EP400: variants seen among roughly 807,000 people sequenced by gnomAD.
The protein encoded by EP400 is E1A-binding protein p400.
Under a neutral mutation model 354.1 loss-of-function variants are expected in EP400, and 105 were observed. That is an observed-to-expected ratio of 0.30 (90% CI 0.25 to 0.35). The LOEUF (loss-of-function observed/expected upper bound fraction) is 0.35, where lower values mean the gene tolerates loss of function less well. Among genes scored for constraint, EP400 ranks in the 10% least tolerant of loss-of-function variants. EP400 has a pLI of 1.00. For missense variants in EP400, 3,280 were observed against 4,121.0 expected (o/e 0.80, Z 5.59); for synonymous variants, 1,646 against 1,716.9 (o/e 0.96, Z 1.02).
In EP400 at chr12:132,058,608, C is replaced by T. The variant is rs563871810; in HGVS notation, c.7884+3400C>T. On this transcript the variant is annotated intron_variant, in intron 45 of 52. Transcript: ENST00000389561. ...CTCGTGATCCACCCACCTCAGCCTC[C>T]CAAAGTGCTGGGGTTACAGGCGTGA... Among the ~76,000 whole-genome samples the T allele has an allele frequency of 2.4e-3, 363 of 152,114 alleles. 2 individuals are homozygous for T. Among genetic ancestry groups the T allele is most frequent in the Non-Finnish European group, 4.0e-3 (272 of 67,980 alleles).
Position 131,958,604 on chromosome 12 carries a change from G to A in EP400, c.-35-1981G>A, listed in dbSNP as rs192975281. On this transcript the variant is annotated intron_variant, in intron 1 of 52. Transcript: ENST00000389561. ...GAATCTTGTTCTTCATTGCAGCATC[G>A]ATTTCCTGGGCTCAGGCGGTCTCCT... Among the ~76,000 whole-genome samples, 922 of 152,116 alleles carry A rather than the reference G, an allele frequency of 6.1e-3. 11 individuals carry two copies. The highest frequency in any genetic ancestry group is 0.021 in the African/African-American group (878 of 41,484).
chr12:132,014,397 C>T (rs1446070465), intron 19 of EP400, among the ~76,000 whole-genome samples: 1 of 152,130 alleles, frequency 6.6e-6, no homozygotes, highest in Non-Finnish European at 1.5e-5. Flanking sequence ...GATGGCCAGC[C>T]GCTGTGCCTC....
Position 131,960,946 on chromosome 12 carries a change from G to C in EP400, c.327G>C (p.Gln109His). 1 of 1,612,892 alleles carries C rather than the reference G, an allele frequency of 6.2e-7. No individual in the cohort carries two copies. Residue 109 changes from glutamine to histidine, a missense_variant, in exon 2 of 53, where the codon CAG becomes CAC. By Grantham distance (24) the Gln-to-His change is conservative. This residue lies in a region of EP400 where 172 missense variants were observed against 242.9 expected (regional missense o/e 0.71). Transcript: ENST00000389561. ...CTCCAGGCTTCCAGTTCAGCGCTCAGCCTCGGCGGTTTGAGCATGGGTCTC... is the reference window on the plus strand; with the variant it reads ...CTCCAGGCTTCCAGTTCAGCGCTCACCCTCGGCGGTTTGAGCATGGGTCTC... Reference protein sequence around the residue: ...PTSPGFQFSAQPRRFEHGSPS... With the variant: ...PTSPGFQFSAHPRRFEHGSPS...
rs142584993 is a variant in EP400 at position 132,039,858 on chromosome 12, G to A, written c.6207+1762G>A. 1.1e-3 allele frequency among the ~76,000 whole-genome samples: 164 copies of A among 152,348 alleles called. 1 individual carries two copies. The highest frequency in any genetic ancestry group is 0.01 in the Middle Eastern group (3 of 294). On this transcript the variant is annotated intron_variant, in intron 32 of 52. Transcript: ENST00000389561. ...GTTCAAGACTGGCATGGGCATCATA[G>A]TGGGACCCCATCTCTACAAGAAGAA...
At chr12:132,026,148 C>T (rs1224024445) in intron 25 of EP400, among the ~76,000 whole-genome samples, 1 of 152,194 alleles carries the variant, frequency 6.6e-6, no homozygotes, top group African/African-American at 2.4e-5. Context: ...TGGCCGCCCA[C>T]GCAGGGTCTG....
chr12:132,004,445 T>C (rs953713268), intron 12 of EP400, among the ~76,000 whole-genome samples: 1 of 152,230 alleles, frequency 6.6e-6, no homozygotes, highest in Non-Finnish European at 1.5e-5. Flanking sequence ...AAAAGCTTAA[T>C]TATGTTTTAT....
At chr12:132,005,261 T>C in intron 13 of EP400, 77 bp downstream of exon 13, 1 of 1,074,122 alleles carries the variant, frequency 9.3e-7, no homozygotes, top group Admixed American at 3.4e-5. Context: ...AAATAAGATT[T>C]AGAAAATTTC....
At chr12:132,015,402 T>A (rs1714766253) in intron 19 of EP400, among the ~76,000 whole-genome samples, 1 of 152,232 alleles carries the variant, frequency 6.6e-6, no homozygotes, top group Admixed American at 6.5e-5. Flanking sequence ...TCAGCTTTGG[T>A]AACATACTAG....
intron 32 of EP400, among the ~76,000 whole-genome samples, chr12:132,040,918 G>A (rs1894879792): frequency 6.6e-6 from 1 of 152,154 alleles, no homozygotes; most frequent in Admixed American, 6.6e-5. Flanking sequence ...CAAGGCAAGG[G>A]GGATCCTGGG....
At chr12:131,988,001 TTTTTTTTC>T in intron 7 of EP400, 111 bp downstream of exon 7, 1 of 974,688 alleles carries the variant, frequency 1.0e-6, no homozygotes, top group Non-Finnish European at 1.4e-6. Context: ...TTTTTTTTTT[TTTTTTTTC>T]CCCCAGACAG....
At chr12:131,973,245 G>A (rs1892358838) in intron 2 of EP400, among the ~76,000 whole-genome samples, 3 of 152,108 alleles carry the variant, frequency 2.0e-5, no homozygotes, top group Admixed American at 6.6e-5. Flanking sequence ...AAAACTCTTA[G>A]GAGTGACACT....
chr12:132,050,436 G>A lies in EP400; in HGVS notation c.7314G>A (p.Lys2438=), dbSNP rs1895252114. 4 of 1,614,214 alleles carry A rather than the reference G, an allele frequency of 2.5e-6. No homozygotes were observed. The East Asian group carries it at 8.9e-5, about 36-fold the overall frequency. Residue 2438 remains lysine, a synonymous_variant, in exon 40 of 53, where the codon AAG becomes AAA. Transcript: ENST00000389561. The surrounding 1 kb of genome is among the most constrained non-coding windows in gnomAD (Gnocchi z 4.8). ...ACTTAATGAAAATGACTGCTGGCAA[G>A]AGGAGTCCCCCAATCAAACCTCTGT... ...HFDLMKMTAG[K]RSPPIKPLLG...
chr12:132,055,144 C>A lies in EP400; in HGVS notation c.7820C>A (p.Pro2607Gln). The change falls in exon 45 of 53, where the codon CCA becomes CAA. Residue 2607 changes from proline (P) to glutamine (Q), a missense_variant. This residue lies in a region of EP400 where 255 missense variants were observed against 295.9 expected (regional missense o/e 0.86). Transcript: ENST00000389561. Reference sequence around the variant, plus strand: ...ATCGTGAACACCATCGCAGGGGTCCCAGCTGCCACCTTCCAGTCCATCAAC... The same window carrying A: ...ATCGTGAACACCATCGCAGGGGTCCAAGCTGCCACCTTCCAGTCCATCAAC... Reference protein sequence around the residue: ...NVIVNTIAGVPAATFQSINKR... With the variant: ...NVIVNTIAGVQAATFQSINKR... 6.2e-7 allele frequency: 1 copy of A among 1,607,676 alleles called. No individual in the cohort carries two copies. The highest frequency in any genetic ancestry group is 2.2e-5 in the East Asian group (1 of 44,502).
chr12:132,055,286 C>T (rs1471440955), intron 45 of EP400, 78 bp downstream of exon 45: 1 of 1,207,290 alleles, frequency 8.3e-7, no homozygotes, highest in Non-Finnish European at 1.1e-6. Context: ...AATTCTTCTT[C>T]TTCTTTTTAA....
chr12:132,011,613 A>G lies in EP400; in HGVS notation c.3420A>G (p.Arg1140=), dbSNP rs1593345134. The G allele has an allele frequency of 7.5e-6, 12 of 1,610,528 alleles. No homozygotes were observed. The highest frequency in any genetic ancestry group is 1.0e-5 in the Non-Finnish European group (12 of 1,179,010). Reference sequence around the variant, plus strand: ...TCCTCTCATATATTGGCAGCCACAGAGAACTCAAAGCAAAGAGACAGGTAT... The same window carrying G: ...TCCTCTCATATATTGGCAGCCACAGGGAACTCAAAGCAAAGAGACAGGTAT... ...LKILSYIGSH[R]ELKAKRQEWA... The change falls in exon 16 of 53, where the codon AGA becomes AGG. Residue 1140 remains arginine (R), a synonymous_variant. Coordinates refer to ENST00000389561, the MANE Select transcript of EP400 (RefSeq NM_015409.5).
At chr12:132,021,985 C>T (rs893174078) in intron 23 of EP400, among the ~76,000 whole-genome samples, 12 of 152,192 alleles carry the variant, frequency 7.9e-5, no homozygotes, top group African/African-American at 2.9e-4. Flanking sequence ...TCAAGTGCCA[C>T]CTCAACTCCT....
At chr12:132,012,909 G>A in intron 16 of EP400, 100 bp from the exon 17 acceptor site, 6 of 1,243,702 alleles carry the variant, frequency 4.8e-6, no homozygotes, top group South Asian at 3.6e-5. Context: ...AGGTGGGAAC[G>A]GAGTCACTGG....
chr12:132,016,279 T>C (rs1342021968), intron 19 of EP400, among the ~76,000 whole-genome samples: 2 of 152,212 alleles, frequency 1.3e-5, no homozygotes, highest in African/African-American at 4.8e-5. Flanking sequence ...CCCCATGCAA[T>C]GTGCTCCTCA....
chr12:131,998,185 A>G (rs1593336004), intron 12 of EP400, among the ~76,000 whole-genome samples: 2 of 152,142 alleles, frequency 1.3e-5, no homozygotes, highest in African/African-American at 4.8e-5. Flanking sequence ...TTCTTACTAT[A>G]GCTTTATAAT....
Sources: gnomAD v4.1 joint callset for allele counts (sites outside exome capture counted in the v4.1 genomes callset) on GRCh38, gnomAD v4.1.1 for gene constraint, gnomAD v4.1.1 regional missense constraint, Gnocchi (gnomAD v3.1) non-coding constraint, MANE v1.5 for transcripts, NCBI Gene and HGNC (gene_info 2026-07-23, HGNC 2026-07-21) for gene names.